The following LRP1B variants were observed in gnomAD, a reference collection of about 807,000 sequenced individuals.
LRP1B encodes low-density lipoprotein receptor-related protein 1B.
In LRP1B, 217 loss-of-function variants were observed where a neutral mutation model predicts 556.6. The ratio of observed to expected loss-of-function variants is 0.39; its 90% CI spans 0.35 to 0.44. The LOEUF (loss-of-function observed/expected upper bound fraction) is 0.44. LRP1B is among the 20% of genes least tolerant of loss of function. The pLI is 1.00. For missense variants in LRP1B, 5,053 were observed against 5,620.8 expected (o/e 0.90, Z 3.23); for synonymous variants, 2,047 against 1,865.8 (o/e 1.10, Z -2.50).
At chr2:142,035,865 G>A (rs1559035623) in intron 1 of LRP1B, among the ~76,000 whole-genome samples, 1 of 151,840 alleles carries the variant, frequency 6.6e-6, no homozygotes, top group South Asian at 2.1e-4. Context: ...CCAGTGGGAG[G>A]TAATTGAATC....
chr2:140,792,319 C>G (rs1259240765), intron 32 of LRP1B, among the ~76,000 whole-genome samples: 2 of 152,040 alleles, frequency 1.3e-5, no homozygotes, highest in African/African-American at 4.8e-5. Context: ...GACATTGAAC[C>G]TAAGAGGGTA....
At chr2:141,623,207 A>G (rs1261650040) in intron 2 of LRP1B, among the ~76,000 whole-genome samples, 2 of 152,244 alleles carry the variant, frequency 1.3e-5, no homozygotes, top group Non-Finnish European at 2.9e-5. Context: ...GAAAACATTC[A>G]TGTTAACTCG....
chr2:140,594,166 C>T (rs960692956), intron 43 of LRP1B, among the ~76,000 whole-genome samples: 1 of 152,048 alleles, frequency 6.6e-6, no homozygotes, highest in African/African-American at 2.4e-5. Flanking sequence ...AATGGGGTTT[C>T]ACCATCTTGG....
chr2:141,158,351 T>G (rs1004231547), intron 7 of LRP1B, among the ~76,000 whole-genome samples: 5 of 152,338 alleles, frequency 3.3e-5, no homozygotes, highest in Middle Eastern at 3.4e-3. Context: ...ATATAAATTA[T>G]GCCATTTAGC....
At chr2:141,757,582 T>G (rs1309004876) in intron 2 of LRP1B, among the ~76,000 whole-genome samples, 1 of 152,172 alleles carries the variant, frequency 6.6e-6, no homozygotes. Context: ...TGAGACAATC[T>G]TGCTCTGTCA....
chr2:140,714,432 T>G (rs1011388200), intron 37 of LRP1B, among the ~76,000 whole-genome samples: 11 of 152,044 alleles, frequency 7.2e-5, no homozygotes, highest in Admixed American at 4.6e-4. Flanking sequence ...AAAAAGAAGC[T>G]CTGGGATATC....
chr2:140,706,695 T>G (rs192318541), intron 37 of LRP1B, among the ~76,000 whole-genome samples: 1 of 152,252 alleles, frequency 6.6e-6, no homozygotes, highest in East Asian at 1.9e-4. Flanking sequence ...AAGATCACAT[T>G]TGGTAGCACT....
intron 25 of LRP1B, among the ~76,000 whole-genome samples, chr2:140,870,294 C>A (rs184706942): frequency 1.3e-5 from 2 of 152,100 alleles, no homozygotes; most frequent in African/African-American, 2.4e-5. Flanking sequence ...ATTATAGCCA[C>A]CCCACTCAGA....
At chr2:142,098,784 G>T (rs1371379103) in intron 1 of LRP1B, among the ~76,000 whole-genome samples, 1 of 151,772 alleles carries the variant, frequency 6.6e-6, no homozygotes, top group African/African-American at 2.4e-5. Context: ...TAATTGACTT[G>T]ATGCCTCACG....
intron 6 of LRP1B, among the ~76,000 whole-genome samples, chr2:141,201,081 T>C (rs1037702591): frequency 9.9e-5 from 15 of 152,114 alleles, no homozygotes; most frequent in Non-Finnish European, 1.6e-4. Context: ...TTATTTAACA[T>C]AGATGAGTAA....
chr2:141,944,013 C>G (rs996934176), intron 1 of LRP1B, among the ~76,000 whole-genome samples: 9 of 152,122 alleles, frequency 5.9e-5, no homozygotes, highest in Non-Finnish European at 1.0e-4. Context: ...CAGGCTCCTC[C>G]CCTCTGCAAA....
chr2:140,885,945 C>T (rs896783446), intron 24 of LRP1B, among the ~76,000 whole-genome samples, 193 bp downstream of exon 24: 4 of 151,370 alleles, frequency 2.6e-5, no homozygotes, highest in Non-Finnish European at 4.4e-5. Flanking sequence ...GTGAACAGCA[C>T]GAGCGTCACC....
chr2:140,519,082 A>C (rs1335292349), intron 49 of LRP1B, among the ~76,000 whole-genome samples: 1 of 152,162 alleles, frequency 6.6e-6, no homozygotes. Flanking sequence ...GCTACCAATG[A>C]CTTTCTTCAC....
chr2:141,565,682 C>T (rs763917359), intron 2 of LRP1B, among the ~76,000 whole-genome samples: 17 of 152,254 alleles, frequency 1.1e-4, no homozygotes, highest in African/African-American at 2.2e-4. Context: ...TACGCATACG[C>T]GTATATGAAA....
intron 37 of LRP1B, among the ~76,000 whole-genome samples, chr2:140,713,452 A>G (rs1431545504): frequency 1.3e-5 from 2 of 151,724 alleles, no homozygotes; most frequent in Non-Finnish European, 2.9e-5. Context: ...ATCCACAGGG[A>G]TGATAAATTA....
At chr2:141,340,822 G>A (rs1688030239) in intron 3 of LRP1B, among the ~76,000 whole-genome samples, 1 of 152,028 alleles carries the variant, frequency 6.6e-6, no homozygotes, top group Non-Finnish European at 1.5e-5. Flanking sequence ...TTTGCCTCTG[G>A]TCTAGATGTC....
intron 1 of LRP1B, among the ~76,000 whole-genome samples, chr2:141,973,692 C>T (rs1002475105): frequency 1.3e-5 from 2 of 151,658 alleles, no homozygotes; most frequent in South Asian, 2.1e-4. Context: ...TTGAGCAAAG[C>T]GGTATAATAT....
intron 6 of LRP1B, among the ~76,000 whole-genome samples, chr2:141,219,957 C>T (rs1219524417): frequency 6.6e-6 from 1 of 152,040 alleles, no homozygotes; most frequent in African/African-American, 2.4e-5. Context: ...GGTAGAAAAA[C>T]CCACCAAGAT....
chr2:140,847,065 T>A (rs954320525), intron 29 of LRP1B, among the ~76,000 whole-genome samples: 1 of 152,360 alleles, frequency 6.6e-6, no homozygotes, highest in Non-Finnish European at 1.5e-5. Flanking sequence ...CTTTATGTTC[T>A]TACTCTTTGA....
Sources: gnomAD v4.1 joint callset for allele counts (sites outside exome capture counted in the v4.1 genomes callset) on GRCh38, gnomAD v4.1.1 for gene constraint, MANE v1.5 for transcripts, NCBI Gene and HGNC (gene_info 2026-07-23, HGNC 2026-07-21) for gene names.